The following VPS35L variants were observed in gnomAD, a reference collection of about 807,000 sequenced individuals.
VPS35L encodes VPS35 endosomal protein sorting factor like, also known as VPS35 endosomal protein-sorting factor-like.
A neutral mutation model predicts 133.0 loss-of-function variants in VPS35L; 83 were observed. The ratio of observed to expected loss-of-function variants is 0.62; its 90% CI spans 0.52 to 0.75. VPS35L has a LOEUF of 0.75. VPS35L is among the 30% of genes least tolerant of loss of function. The pLI, the probability that VPS35L is intolerant of heterozygous loss-of-function variation, is 0.00. For synonymous variants in VPS35L, 423 were observed against 449.9 expected (o/e 0.94, Z 0.76); for missense variants, 1,083 against 1,206.8 (o/e 0.90, Z 1.52).
intron 14 of VPS35L, among the ~76,000 whole-genome samples, chr16:19,619,995 C>T (rs1973026552): frequency 6.6e-6 from 1 of 152,098 alleles, no homozygotes; most frequent in Non-Finnish European, 1.5e-5. Flanking sequence ...TGGTAATATA[C>T]AGGGCAGGCA....
At chr16:19,677,938 C>A (rs1304248342) in intron 27 of VPS35L, among the ~76,000 whole-genome samples, 1 of 152,178 alleles carries the variant, frequency 6.6e-6, no homozygotes, top group East Asian at 1.9e-4. Context: ...TCAAAACAAG[C>A]CTGTTATTAT....
At chr16:19,609,471 T>TTGA (rs1050236487) in intron 11 of VPS35L, among the ~76,000 whole-genome samples, 4 of 152,088 alleles carry the variant, frequency 2.6e-5, no homozygotes, top group South Asian at 2.1e-4. Context: ...TTGGCTGCTG[T>TTGA]TGATGATGAT....
intron 1 of VPS35L, among the ~76,000 whole-genome samples, chr16:19,560,266 A>G (rs1486393509): frequency 6.6e-6 from 1 of 152,176 alleles, no homozygotes; most frequent in Non-Finnish European, 1.5e-5. Context: ...ACGGAGGTAA[A>G]GGCTGGCCCA....
intron 4 of VPS35L, chr16:19,573,494 A>C (rs1971445167): frequency 3.0e-6 from 1 of 328,572 alleles, no homozygotes; most frequent in South Asian, 3.9e-5. Flanking sequence ...TTAGAACAGC[A>C]GAGTCTTGTC....
In VPS35L at chr16:19,700,481, C is replaced by G. The variant is rs1475032661; in HGVS notation, c.*5C>G. 6.2e-7 allele frequency: 1 copy of G among 1,611,928 alleles called. No individual in the cohort carries two copies. The highest frequency in any genetic ancestry group is 2.2e-5 in the East Asian group (1 of 44,882). On this transcript the variant is annotated 3_prime_UTR_variant, in exon 31 of 31. Coordinates refer to ENST00000417362, the MANE Select transcript of VPS35L (RefSeq NM_020314.7). ...CCTCTGCAAACAAGGACCTGACCCCCGGGCCCATCCCCAGGCTCAGGGACT... is the reference window on the plus strand; with the variant it reads ...CCTCTGCAAACAAGGACCTGACCCCGGGGCCCATCCCCAGGCTCAGGGACT...
chr16:19,587,399 G>A (rs1390649124), intron 7 of VPS35L: 8 of 445,240 alleles, frequency 1.8e-5, no homozygotes, highest in Non-Finnish European at 3.6e-5. Flanking sequence ...GGAGGCTGAG[G>A]TGGGCGGATC....
chr16:19,672,246 T>C (rs1055028676), intron 27 of VPS35L, among the ~76,000 whole-genome samples: 1 of 152,152 alleles, frequency 6.6e-6, no homozygotes, highest in Non-Finnish European at 1.5e-5. Flanking sequence ...ATCAACCATG[T>C]TTGGCAAATG....
intron 7 of VPS35L, among the ~76,000 whole-genome samples, chr16:19,587,860 C>T (rs1182762045): frequency 7.2e-6 from 1 of 138,342 alleles, no homozygotes; most frequent in Admixed American, 7.9e-5. Flanking sequence ...AGTGCAGTGG[C>T]GTGATCTCTG....
At chr16:19,628,000 C>T (rs1973323517) in intron 16 of VPS35L, among the ~76,000 whole-genome samples, 195 bp downstream of exon 16, 1 of 152,096 alleles carries the variant, frequency 6.6e-6, no homozygotes, top group Non-Finnish European at 1.5e-5. Context: ...TGCTTCAGGC[C>T]CCCATGAGCC....
At chr16:19,690,142 A>G (rs1975616053) in intron 28 of VPS35L, among the ~76,000 whole-genome samples, 1 of 152,158 alleles carries the variant, frequency 6.6e-6, no homozygotes, top group East Asian at 1.9e-4. Context: ...CCTGGACTCA[A>G]GTGATCCTCC....
intron 8 of VPS35L, among the ~76,000 whole-genome samples, chr16:19,597,537 G>A (rs1212613536): frequency 6.6e-6 from 1 of 152,126 alleles, no homozygotes; most frequent in Admixed American, 6.5e-5. Context: ...GAGAAACTGC[G>A]CTCGGTACCT....
chr16:19,643,095 A>G (rs1052791369), intron 22 of VPS35L, among the ~76,000 whole-genome samples: 7 of 152,256 alleles, frequency 4.6e-5, no homozygotes, highest in Non-Finnish European at 8.8e-5. Context: ...GAACTTAACC[A>G]TCAACAAGAT....
chr16:19,691,365 A>G lies in VPS35L; in HGVS notation c.2540A>G (p.Asp847Gly). 3 of 1,613,600 alleles carry G rather than the reference A, an allele frequency of 1.9e-6. No individual in the cohort carries two copies. Among genetic ancestry groups the G allele is most frequent in the Non-Finnish European group, 2.5e-6 (3 of 1,179,590 alleles). The change falls in exon 29 of 31, where the codon GAC becomes GGC. Residue 847 changes from aspartate to glycine, a missense_variant. Physicochemically the swap from Asp to Gly is moderately conservative, Grantham distance 94 (BLOSUM62 -1). Transcript: ENST00000417362. ...GTTTGTTCAACAGTGGACTCCAACG[A>G]CAGCCTCTACGGGGGAGACTCCAAG... Reference protein sequence around the residue: ...LYHIDKVDSNDSLYGGDSKFL... With the variant: ...LYHIDKVDSNGSLYGGDSKFL...
At chr16:19,560,471 A>G (rs557147940) in intron 1 of VPS35L, among the ~76,000 whole-genome samples, 1 of 152,168 alleles carries the variant, frequency 6.6e-6, no homozygotes, top group South Asian at 2.1e-4. Flanking sequence ...GCCTTTCAAC[A>G]TTCTACTTTT....
intron 26 of VPS35L, among the ~76,000 whole-genome samples, chr16:19,655,165 G>A (rs1366377243): frequency 2.6e-5 from 4 of 152,178 alleles, no homozygotes; most frequent in Non-Finnish European, 5.9e-5. Flanking sequence ...AGGACTCTGG[G>A]CTCCTTGTCT....
intron 5 of VPS35L, among the ~76,000 whole-genome samples, chr16:19,575,419 T>C (rs1002978731): frequency 6.6e-6 from 1 of 151,388 alleles, no homozygotes; most frequent in East Asian, 2.0e-4. Context: ...TACAAAAATT[T>C]GCTGGGCGTG....
chr16:19,680,969 C>G (rs1975255559), intron 27 of VPS35L, among the ~76,000 whole-genome samples: 1 of 146,068 alleles, frequency 6.8e-6, no homozygotes, highest in African/African-American at 2.5e-5. Context: ...AAGAGGACTG[C>G]AGATGGAATG....
intron 27 of VPS35L, among the ~76,000 whole-genome samples, chr16:19,680,128 A>G (rs1975217137): frequency 6.6e-6 from 1 of 151,952 alleles, no homozygotes; most frequent in Non-Finnish European, 1.5e-5. Context: ...CCATGTACCA[A>G]CTGTGTGACC....
chr16:19,624,651 G>T (rs1231657160), intron 14 of VPS35L, among the ~76,000 whole-genome samples: 1 of 151,984 alleles, frequency 6.6e-6, no homozygotes, highest in Non-Finnish European at 1.5e-5. Context: ...TCACTATATT[G>T]CCCAGACTGG....
Sources: allele counts gnomAD v4.1 joint callset (sites outside exome capture counted in the v4.1 genomes callset), GRCh38; gene constraint gnomAD v4.1.1; transcripts MANE v1.5; gene names NCBI Gene and HGNC (gene_info 2026-07-23, HGNC 2026-07-21).